Variants in OR7C1 observed in about 807,000 individuals in gnomAD.
OR7C1 encodes the protein olfactory receptor family 7 subfamily C member 1.
For synonymous variants in OR7C1, 152 were observed against 160.7 expected (o/e 0.95, Z 0.41); for missense variants, 324 against 383.3 (o/e 0.85, Z 1.29).
At chr19:14,828,086 G>A (rs1451675171) in intron 1 of OR7C1, 4 of 1,614,206 alleles carry the variant, frequency 2.5e-6, no homozygotes, top group African/African-American at 1.3e-5. Flanking sequence ...GGAGGTGGGA[G>A]TCTGAGATTG....
chr19:14,818,744 T>C (rs539396698), intron 1 of OR7C1, among the ~76,000 whole-genome samples: 1 of 152,320 alleles, frequency 6.6e-6, no homozygotes, highest in South Asian at 2.1e-4. Flanking sequence ...GGTGAATGCG[T>C]TAAAGTTTAT....
At chr19:14,827,987 G>C (rs912824160) in intron 1 of OR7C1, 3 of 1,614,078 alleles carry the variant, frequency 1.9e-6, no homozygotes, top group Non-Finnish European at 2.5e-6. Flanking sequence ...TCTGTGTCTG[G>C]ATGTTCATCA....
At chr19:14,827,741 G>A in intron 1 of OR7C1, 1 of 1,614,138 alleles carries the variant, frequency 6.2e-7, no homozygotes, top group Non-Finnish European at 8.5e-7. Context: ...CTGTGCAGAA[G>A]GACAGCCGTA....
Position 14,800,163 on chromosome 19 carries a change from G to C in OR7C1, c.-13-14C>G. On this transcript the variant is annotated splice_polypyrimidine_tract_variant and intron_variant, in intron 4 of 4. Coordinates refer to ENST00000641666, the Ensembl canonical transcript of OR7C1. ...GGGATAAAATAACTGCCACAAGAGAGAAAAAAGCAACAGTCAATTATCAAC... is the reference window on the plus strand; with the variant it reads ...GGGATAAAATAACTGCCACAAGAGACAAAAAAGCAACAGTCAATTATCAAC... The C allele has an allele frequency of 6.6e-7, 1 of 1,511,198 alleles. No individual in the cohort carries two copies. Among genetic ancestry groups the C allele is most frequent in the Non-Finnish European group, 8.8e-7 (1 of 1,130,192 alleles). The allele number at this position is 1,511,198 out of a possible 1,614,324, so 93.6% of individuals were successfully genotyped here. A position where few individuals can be genotyped will look rare whatever the true frequency, so the allele number is the denominator to read the frequency against.
At chr19:14,828,355 A>G in intron 1 of OR7C1, 1 of 1,212,664 alleles carries the variant, frequency 8.2e-7, no homozygotes, top group Non-Finnish European at 1.1e-6. Flanking sequence ...AAATTATCTT[A>G]CATTTTGTGT....
chr19:14,812,186 C>A (rs1392028253), intron 1 of OR7C1, among the ~76,000 whole-genome samples: 1 of 152,184 alleles, frequency 6.6e-6, no homozygotes, highest in Non-Finnish European at 1.5e-5. Context: ...TATGCAAGGT[C>A]TCTTAGGGGC....
At chr19:14,827,084 CAA>C (rs2044774661) in intron 1 of OR7C1, 1 of 459,110 alleles carries the variant, frequency 2.2e-6, no homozygotes, top group South Asian at 8.1e-5. Context: ...AGGAAAACAA[CAA>C]AGAGAAAAAA....
At chr19:14,819,409 G>A (rs2044731101) in intron 1 of OR7C1, among the ~76,000 whole-genome samples, 1 of 152,050 alleles carries the variant, frequency 6.6e-6, no homozygotes, top group African/African-American at 2.4e-5. Context: ...TTATAAGTGG[G>A]AACATGTGGT....
chr19:14,832,120 G>C (rs1162856781), intron 1 of OR7C1, among the ~76,000 whole-genome samples: 1 of 152,034 alleles, frequency 6.6e-6, no homozygotes, highest in African/African-American at 2.4e-5. Flanking sequence ...TTGTTGCCCA[G>C]GCTGGTCTCA....
chr19:14,811,605 C>A (rs1407981313), intron 1 of OR7C1, among the ~76,000 whole-genome samples: 1 of 151,602 alleles, frequency 6.6e-6, no homozygotes, highest in Non-Finnish European at 1.5e-5. Flanking sequence ...ATTCAACTCA[C>A]CAAACTTACT....
At chr19:14,800,506 T>A (rs35360071) in intron 3 of OR7C1, 27 bp downstream of exon 3, 6 of 181,358 alleles carry the variant, frequency 3.3e-5, no homozygotes, top group Non-Finnish European at 6.9e-5. Context: ...ATATTAGTGA[T>A]ATAGGAGTTA....
In OR7C1 at chr19:14,811,267, G is replaced by A. The variant is rs146885143; in HGVS notation, c.-622-1274C>T. Among the ~76,000 whole-genome samples the A allele has an allele frequency of 8.6e-4, 130 of 151,912 alleles. 2 individuals are homozygous for A. The East Asian group carries it at 0.023, about 27-fold the overall frequency. On this transcript the variant is annotated intron_variant, in intron 1 of 4. Coordinates refer to ENST00000641666, the Ensembl canonical transcript of OR7C1. Reference sequence around the variant, plus strand: ...AAGTCCAAAATCAAGGTGCAAGAAGGGCCAGGCTTCCTCCAGAGTCTCTAA... The same window carrying A: ...AAGTCCAAAATCAAGGTGCAAGAAGAGCCAGGCTTCCTCCAGAGTCTCTAA...
chr19:14,798,886 C>T (rs111742587), exon 5 of OR7C1: 20 of 265,094 alleles, frequency 7.5e-5, no homozygotes, highest in African/African-American at 3.4e-4. Context: ...GCGCAGCAGC[C>T]GGCATTCACT....
intron 1 of OR7C1, chr19:14,827,984 C>T (rs2044789589): frequency 6.2e-7 from 1 of 1,614,154 alleles, no homozygotes; most frequent in Middle Eastern, 1.6e-4. Flanking sequence ...TGTTCTGTGT[C>T]TGGATGTTCA....
intron 1 of OR7C1, among the ~76,000 whole-genome samples, chr19:14,812,581 A>G (rs2044696382): frequency 6.6e-6 from 1 of 151,880 alleles, no homozygotes; most frequent in Non-Finnish European, 1.5e-5. Context: ...GTGAGCCCTT[A>G]AAAGGGACAG....
At chr19:14,818,851 A>T (rs1029699638) in intron 1 of OR7C1, among the ~76,000 whole-genome samples, 11 of 152,126 alleles carry the variant, frequency 7.2e-5, no homozygotes, top group African/African-American at 2.7e-4. Context: ...CTTTCTACAT[A>T]TTTCATCGCA....
intron 2 of OR7C1, among the ~76,000 whole-genome samples, chr19:14,803,713 TA>T: frequency 6.7e-6 from 1 of 149,878 alleles, no homozygotes; most frequent in Non-Finnish European, 1.5e-5. Context: ...ATAATAATAA[TA>T]ATTTTTTTTT....
intron 1 of OR7C1, among the ~76,000 whole-genome samples, chr19:14,830,954 C>G (rs2044826048): frequency 6.6e-6 from 1 of 152,316 alleles, no homozygotes; most frequent in African/African-American, 2.4e-5. Context: ...GCACAAAGCC[C>G]TCTTCAGCTC....
intron 2 of OR7C1, among the ~76,000 whole-genome samples, chr19:14,809,385 G>A (rs1238099565): frequency 1.3e-5 from 2 of 151,892 alleles, no homozygotes; most frequent in African/African-American, 4.9e-5. Flanking sequence ...GGAAGAGAGT[G>A]GCCCTGGAAT....
Sources: gnomAD v4.1 joint callset for allele counts (sites outside exome capture counted in the v4.1 genomes callset) on GRCh38, gnomAD v4.1.1 for gene constraint, MANE v1.5 for transcripts, NCBI Gene and HGNC (gene_info 2026-07-23, HGNC 2026-07-21) for gene names.